Variants in CADM1 observed in about 807,000 individuals in gnomAD.
CADM1 encodes cell adhesion molecule 1, also known as TSLC-1.
CADM1 carries 15 observed loss-of-function variants against 53.1 expected under a neutral mutation model. The ratio of observed to expected loss-of-function variants is 0.28; its 90% CI spans 0.19 to 0.44. The LOEUF (loss-of-function observed/expected upper bound fraction) is 0.44. Ranked by LOEUF, CADM1 falls within the 20% of genes least tolerant of loss-of-function variation. The probability of loss-of-function intolerance (pLI) is 1.00; values close to 1 mark genes in which losing one functional copy is unlikely to be tolerated. For missense variants in CADM1, 434 were observed against 611.3 expected (o/e 0.71, Z 3.06); for synonymous variants, 281 against 243.0 (o/e 1.16, Z -1.45).
intron 1 of CADM1, among the ~76,000 whole-genome samples, chr11:115,403,566 A>G (rs1591783899): frequency 6.6e-6 from 1 of 152,036 alleles, no homozygotes; most frequent in African/African-American, 2.4e-5. Flanking sequence ...TTTTTTGGTA[A>G]GTCTGAAAAT....
At chr11:115,255,206 G>A (rs1257286176) in intron 1 of CADM1, among the ~76,000 whole-genome samples, 1 of 152,196 alleles carries the variant, frequency 6.6e-6, no homozygotes, top group Non-Finnish European at 1.5e-5. Context: ...TTAAGGTCTA[G>A]CTGCCTTCTA....
At chr11:115,346,798 T>TTTCAA in intron 1 of CADM1, among the ~76,000 whole-genome samples, 1 of 152,290 alleles carries the variant, frequency 6.6e-6, no homozygotes, top group Middle Eastern at 3.4e-3. Flanking sequence ...AAGTTTTTGT[T>TTTCAA]TTGTTGGTGT....
chr11:115,490,392 A>ATTTTTTTTTTTTT (rs35633504), intron 1 of CADM1, among the ~76,000 whole-genome samples: 1 of 109,330 alleles, frequency 9.1e-6, no homozygotes, highest in African/African-American at 3.7e-5. Flanking sequence ...GGAAGAACAG[A>ATTTTTTTTTTTTT]TTTTTTTTTT....
At chr11:115,457,441 G>A (rs1264813356) in intron 1 of CADM1, among the ~76,000 whole-genome samples, 4 of 152,148 alleles carry the variant, frequency 2.6e-5, no homozygotes, top group Non-Finnish European at 5.9e-5. Flanking sequence ...AAAAGATGTT[G>A]CTGGATTTGC....
chr11:115,309,770 C>T (rs2135158646), intron 1 of CADM1, among the ~76,000 whole-genome samples: 1 of 152,252 alleles, frequency 6.6e-6, no homozygotes, highest in Admixed American at 6.5e-5. Flanking sequence ...CCTCCACATC[C>T]TCACCTATAA....
At chr11:115,233,872 A>G (rs1441978866) in intron 3 of CADM1, among the ~76,000 whole-genome samples, 1 of 152,248 alleles carries the variant, frequency 6.6e-6, no homozygotes, top group African/African-American at 2.4e-5. Context: ...AGTATGTGAC[A>G]AAGAGGGCAA....
chr11:115,425,411 C>T (rs1947864740), intron 1 of CADM1, among the ~76,000 whole-genome samples: 1 of 152,172 alleles, frequency 6.6e-6, no homozygotes, highest in Non-Finnish European at 1.5e-5. Context: ...GCCAAACAGG[C>T]TAGCGTAATA....
At chr11:115,398,929 T>C (rs1179850551) in intron 1 of CADM1, among the ~76,000 whole-genome samples, 1 of 152,144 alleles carries the variant, frequency 6.6e-6, no homozygotes, top group East Asian at 1.9e-4. Context: ...AGAGTTAGTC[T>C]CTATTTTTAT....
At chr11:115,320,915 C>A (rs1462235674) in intron 1 of CADM1, among the ~76,000 whole-genome samples, 1 of 152,062 alleles carries the variant, frequency 6.6e-6, no homozygotes, top group Non-Finnish European at 1.5e-5. Flanking sequence ...AATTCCAAAT[C>A]TAGTCTTCCT....
chr11:115,195,406 TTTTTA>T (rs1482874400), intron 9 of CADM1, among the ~76,000 whole-genome samples: 2 of 152,228 alleles, frequency 1.3e-5, no homozygotes, highest in Non-Finnish European at 2.9e-5. Flanking sequence ...GCTTTAAAAA[TTTTTA>T]TTTTTTCTTT....
rs1024706155 is a variant in CADM1 at position 115,437,276 on chromosome 11, C to T, written c.124+66995G>A. On this transcript the variant is annotated intron_variant, in intron 1 of 11. Transcript: ENST00000331581. ...TACATAATTCTGAGCTTGTTCAATC[C>T]TTTCTTGGTCTGAAAAGGAAAGGCT... Among the ~76,000 whole-genome samples the T allele has an allele frequency of 2.6e-5, 4 of 152,054 alleles. No homozygotes were observed. In the South Asian group the frequency reaches 6.2e-4, roughly 24 times the overall value.
chr11:115,231,821 TATTA>T (rs1244532126), intron 3 of CADM1, among the ~76,000 whole-genome samples: 1 of 152,084 alleles, frequency 6.6e-6, no homozygotes, highest in Non-Finnish European at 1.5e-5. Flanking sequence ...ACCCCATCTC[TATTA>T]AAAATACAAA....
At chr11:115,352,999 G>A (rs551645272) in intron 1 of CADM1, among the ~76,000 whole-genome samples, 100 of 152,278 alleles carry the variant, frequency 6.6e-4, no homozygotes, top group African/African-American at 2.2e-3. Context: ...GCGTGCATGC[G>A]AACTTGATTT....
At chr11:115,201,099 T>C (rs1257804993) in intron 8 of CADM1, among the ~76,000 whole-genome samples, 2 of 152,158 alleles carry the variant, frequency 1.3e-5, no homozygotes, top group African/African-American at 4.8e-5. Flanking sequence ...AAGGGGGATG[T>C]TGAGAAGAAA....
intron 1 of CADM1, among the ~76,000 whole-genome samples, chr11:115,398,586 A>G (rs1591778788): frequency 6.6e-6 from 1 of 152,232 alleles, no homozygotes; most frequent in East Asian, 1.9e-4. Context: ...CAATGTGACA[A>G]TTATTTAAAG....
intron 1 of CADM1, among the ~76,000 whole-genome samples, chr11:115,325,011 G>A (rs1944923722): frequency 6.6e-6 from 1 of 152,168 alleles, no homozygotes; most frequent in South Asian, 2.1e-4. Context: ...CAGCTTCACT[G>A]CAGAGCTCAA....
At chr11:115,406,571 T>G (rs1947318576) in intron 1 of CADM1, among the ~76,000 whole-genome samples, 1 of 148,138 alleles carries the variant, frequency 6.8e-6, no homozygotes, top group South Asian at 2.1e-4. Context: ...TTACATAATA[T>G]TATATACCTT....
chr11:115,260,565 A>C (rs1942941293), intron 1 of CADM1, among the ~76,000 whole-genome samples: 1 of 152,262 alleles, frequency 6.6e-6, no homozygotes, highest in Non-Finnish European at 1.5e-5. Flanking sequence ...TCAAATGGCT[A>C]CATGAGAATG....
chr11:115,387,531 T>C (rs1946729090), intron 1 of CADM1, among the ~76,000 whole-genome samples: 1 of 152,118 alleles, frequency 6.6e-6, no homozygotes, highest in Non-Finnish European at 1.5e-5. Flanking sequence ...TAAGAAAGTG[T>C]GGAGGGAAAA....
Sources: allele counts gnomAD v4.1 joint callset (sites outside exome capture counted in the v4.1 genomes callset), GRCh38; gene constraint gnomAD v4.1.1; transcripts MANE v1.5; gene names NCBI Gene and HGNC (gene_info 2026-07-23, HGNC 2026-07-21).